Variants in EML4 observed in about 807,000 individuals in gnomAD.
EML4 encodes the protein echinoderm microtubule-associated protein-like 4.
In EML4, 72 loss-of-function variants were observed where a neutral mutation model predicts 129.0. The ratio of observed to expected loss-of-function variants is 0.56; its 90% CI spans 0.46 to 0.68. The LOEUF is 0.68. Among genes scored for constraint, EML4 ranks in the 30% least tolerant of loss-of-function variants. The probability of loss-of-function intolerance (pLI) is 0.00; values close to 1 mark genes in which losing one functional copy is unlikely to be tolerated. For synonymous variants in EML4, 532 were observed against 405.0 expected, an observed-to-expected ratio of 1.31 and a Z score of -3.77; for missense variants, 1,363 against 1,190.6, an observed-to-expected ratio of 1.14 and a Z score of -2.13.
chr2:42,178,611 C>CA (rs1670754929), intron 1 of EML4, among the ~76,000 whole-genome samples: 1 of 152,154 alleles, frequency 6.6e-6, no homozygotes, highest in Non-Finnish European at 1.5e-5. Flanking sequence ...TGGTGCCTGT[C>CA]ACGTGAGAGA....
chr2:42,201,289 C>T (rs1414538109), intron 1 of EML4, among the ~76,000 whole-genome samples: 2 of 152,162 alleles, frequency 1.3e-5, no homozygotes, highest in Non-Finnish European at 2.9e-5. Flanking sequence ...ATTTAATCCT[C>T]ATAGTAAGCT....
At chr2:42,292,165 G>A (rs2103663084) in intron 11 of EML4, among the ~76,000 whole-genome samples, 1 of 152,300 alleles carries the variant, frequency 6.6e-6, no homozygotes, top group African/African-American at 2.4e-5. Context: ...ATAAATTTTA[G>A]TGTATTTAGG....
intron 1 of EML4, among the ~76,000 whole-genome samples, chr2:42,240,656 T>C (rs541180056): frequency 6.6e-6 from 1 of 152,286 alleles, no homozygotes; most frequent in African/African-American, 2.4e-5. Context: ...TCCTTAGACT[T>C]CAGGTCATTT....
rs1171945356 is a variant in EML4 at position 42,310,295 on chromosome 2, A to ATTCCCCTTTCCC, written c.1968-5652_1968-5641dup. On this transcript the variant is annotated intron_variant, in intron 17 of 22. Coordinates refer to ENST00000318522, the MANE Select transcript of EML4 (RefSeq NM_019063.5). ...TTCTCCCCTTCCCCTTTCCCTTCCC[A>ATTCCCCTTTCCC]TTCCCCTTTCCCTTCCCCTTTCCCT... Among the ~76,000 whole-genome samples, 105 of 143,214 alleles carry ATTCCCCTTTCCC rather than the reference A, an allele frequency of 7.3e-4. No individual in the cohort carries two copies. The Middle Eastern group carries it at 0.015, about 20-fold the overall frequency. The allele number at this position is 143,214 out of a possible 152,430, so 94.0% of individuals were successfully genotyped here.
At chr2:42,274,503 C>T (rs10490559) in intron 6 of EML4, among the ~76,000 whole-genome samples, 1 of 151,900 alleles carries the variant, frequency 6.6e-6, no homozygotes, top group Non-Finnish European at 1.5e-5. Context: ...ATCACTGGAG[C>T]AACTGATCTT....
chr2:42,312,805 G>A (rs896781086), intron 17 of EML4, among the ~76,000 whole-genome samples: 2 of 151,568 alleles, frequency 1.3e-5, no homozygotes, highest in South Asian at 2.1e-4. Context: ...CACTCACCTC[G>A]GCCTCTGAAA....
chr2:42,225,001 TACA>T (rs1334481863), intron 1 of EML4, among the ~76,000 whole-genome samples: 1 of 152,158 alleles, frequency 6.6e-6, no homozygotes, highest in Non-Finnish European at 1.5e-5. Flanking sequence ...AGTGGAAACA[TACA>T]ACATTTGTCC....
intron 17 of EML4, among the ~76,000 whole-genome samples, chr2:42,307,140 A>ATTT (rs1349980721): frequency 1.1e-4 from 16 of 152,364 alleles, no homozygotes; most frequent in Middle Eastern, 3.4e-3. Context: ...CTTTGGTTGA[A>ATTT]GAAAACACTG....
chr2:42,258,485 G>A (rs907965565), intron 3 of EML4, among the ~76,000 whole-genome samples: 9 of 151,958 alleles, frequency 5.9e-5, no homozygotes, highest in Non-Finnish European at 1.2e-4. Flanking sequence ...ACCGCAACCT[G>A]CACCTCCCGT....
chr2:42,293,822 G>C lies in EML4; in HGVS notation c.1219-1303G>C, dbSNP rs528559708. ...GACGGGGTTTCACCATCTTGGCCAG[G>C]CTGATCTTGAACTCCTGACGTCGTG... is the stretch of plus-strand genomic sequence containing the variant. On this transcript the variant is annotated intron_variant, in intron 11 of 22. Transcript: ENST00000318522. Among the ~76,000 whole-genome samples, 66 of 152,242 alleles carry C rather than the reference G, an allele frequency of 4.3e-4. 2 individuals carry two copies. In the East Asian group the frequency reaches 0.013, roughly 29 times the overall value.
At chr2:42,181,288 T>C (rs972190583) in intron 1 of EML4, among the ~76,000 whole-genome samples, 1 of 152,150 alleles carries the variant, frequency 6.6e-6, no homozygotes, top group African/African-American at 2.4e-5. Context: ...AGGTTTCTTA[T>C]TTTTTTATTT....
chr2:42,169,674 G>C (rs1208365293), intron 1 of EML4, 38 bp downstream of exon 1: 11 of 1,592,436 alleles, frequency 6.9e-6, no homozygotes, highest in African/African-American at 1.4e-5. Context: ...TTCTGCGAAG[G>C]GTAGGAACTT....
At chr2:42,225,098 T>C (rs1673869732) in intron 1 of EML4, among the ~76,000 whole-genome samples, 1 of 152,164 alleles carries the variant, frequency 6.6e-6, no homozygotes, top group African/African-American at 2.4e-5. Context: ...CATTTCTTTT[T>C]AAGGCTGAAT....
intron 2 of EML4, among the ~76,000 whole-genome samples, chr2:42,255,129 A>G (rs1229634926): frequency 6.6e-6 from 1 of 151,168 alleles, no homozygotes; most frequent in East Asian, 1.9e-4. Flanking sequence ...TCTGTCGCCC[A>G]GGCTGGAGTG....
At chr2:42,174,873 A>G (rs1670507593) in intron 1 of EML4, among the ~76,000 whole-genome samples, 2 of 151,956 alleles carry the variant, frequency 1.3e-5, no homozygotes, top group Admixed American at 6.6e-5. Context: ...GCTGGAGTGC[A>G]ATGGCGCGAT....
At chr2:42,200,925 C>T (rs544302151) in intron 1 of EML4, among the ~76,000 whole-genome samples, 1 of 152,146 alleles carries the variant, frequency 6.6e-6, no homozygotes, top group Non-Finnish European at 1.5e-5. Flanking sequence ...TTTTCCACTT[C>T]CCCTGTTCTC....
intron 1 of EML4, among the ~76,000 whole-genome samples, chr2:42,190,438 C>T (rs1203305259): frequency 2.0e-5 from 3 of 151,978 alleles, no homozygotes; most frequent in South Asian, 2.1e-4. Flanking sequence ...ATGTAAGGGA[C>T]GAAGAAAACC....
chr2:42,190,381 G>A (rs896106356), intron 1 of EML4, among the ~76,000 whole-genome samples: 1 of 152,082 alleles, frequency 6.6e-6, no homozygotes, highest in South Asian at 2.1e-4. Context: ...GAAACGGTAG[G>A]GTTTGGGATA....
Position 42,330,054 on chromosome 2 carries a change from G to A in EML4, c.2793G>A (p.Val931=), listed in dbSNP as rs1202597883. 4 of 1,613,290 alleles carry A rather than the reference G, an allele frequency of 2.5e-6. No individual in the cohort carries two copies. The highest frequency in any genetic ancestry group is 3.4e-6 in the Non-Finnish European group (4 of 1,179,940). The change falls in exon 23 of 23, where the codon GTG becomes GTA. Residue 931 remains valine, a synonymous_variant. Transcript: ENST00000318522. ...TLLENSLEQT[V]EPSEDHSEEE... is the part of the protein sequence containing the mutation. Reference sequence around the variant, plus strand: ...TGGAGAACAGCCTGGAACAAACTGTGGAGCCAAGTGAAGACCACAGCGAGG... The same window carrying A: ...TGGAGAACAGCCTGGAACAAACTGTAGAGCCAAGTGAAGACCACAGCGAGG...
Sources: allele counts gnomAD v4.1 joint callset (sites outside exome capture counted in the v4.1 genomes callset), GRCh38; gene constraint gnomAD v4.1.1; transcripts MANE v1.5; gene names NCBI Gene and HGNC (gene_info 2026-07-23, HGNC 2026-07-21).